The following CCDC85C variants were observed in gnomAD, a reference collection of about 807,000 sequenced individuals.
CCDC85C encodes the protein coiled-coil domain containing 85C, also known as coiled-coil domain-containing protein 85C.
A neutral mutation model predicts 38.3 loss-of-function variants in CCDC85C; 18 were observed. That is an observed-to-expected ratio of 0.47 (90% CI 0.33 to 0.70). The LOEUF (loss-of-function observed/expected upper bound fraction) is 0.70, where lower values mean the gene tolerates loss of function less well. CCDC85C is among the 30% of genes least tolerant of loss of function. The pLI is 0.03. For synonymous variants in CCDC85C, 264 were observed against 293.8 expected, an observed-to-expected ratio of 0.90 and a Z score of 1.04; for missense variants, 566 against 621.2, an observed-to-expected ratio of 0.91 and a Z score of 0.94.
chr14:99,571,955 T>G (rs1898354855), intron 1 of CCDC85C, among the ~76,000 whole-genome samples: 1 of 152,090 alleles, frequency 6.6e-6, no homozygotes, highest in Non-Finnish European at 1.5e-5. Context: ...CCCTGAAGCC[T>G]CAGGGGAAGG....
chr14:99,528,433 C>T (rs1168996091), intron 2 of CCDC85C, among the ~76,000 whole-genome samples: 3 of 152,214 alleles, frequency 2.0e-5, no homozygotes, highest in South Asian at 2.1e-4. Flanking sequence ...AGGAGCTCCA[C>T]GTCTTCAGAA....
chr14:99,535,836 G>A lies in CCDC85C; in HGVS notation c.867+179C>T, dbSNP rs1465799210. On this transcript the variant is annotated intron_variant, in intron 2 of 5. Transcript: ENST00000380243. The surrounding 1 kb of genome is among the most constrained non-coding windows in gnomAD (Gnocchi z 5.5). ...AGCATGGAAGGTTGGGCAGAGGGAA[G>A]CCCAGAGGTGTGGGAGCCAGGGTTA... Among the ~76,000 whole-genome samples, 1 of 152,204 alleles carries A rather than the reference G, an allele frequency of 6.6e-6. No individual in the cohort carries two copies. The highest frequency in any genetic ancestry group is 2.4e-5 in the African/African-American group (1 of 41,452).
chr14:99,603,614 C>G lies in CCDC85C; in HGVS notation c.346G>C (p.Val116Leu), dbSNP rs1388386103. 2.7e-6 allele frequency: 4 copies of G among 1,456,498 alleles called. No individual in the cohort carries two copies. The highest frequency in any genetic ancestry group is 1.8e-6 in the Non-Finnish European group (2 of 1,107,046). 90.2% of individuals were successfully genotyped at this position (1,456,498 alleles called of 1,614,324 possible). A position where few individuals can be genotyped will look rare whatever the true frequency, so the allele number is the denominator to read the frequency against. ...TGCGAGCGGGCCACCTCGTGCCACA[C>G]GGCGCCGGCCGCGTGGCGCCCGAAG... ...QRFGRHAAGA[V>L]WHEVARSQQK... Residue 116 changes from valine to leucine, a missense_variant, in exon 1 of 6, where the codon GTG becomes CTG. This residue lies in a region of CCDC85C where 269 missense variants were observed against 308.2 expected (regional missense o/e 0.87). Transcript: ENST00000380243. This position sits in a 1 kb window ranked among gnomAD's most constrained non-coding sequence, Gnocchi z 7.5.
rs556098004 is a variant in CCDC85C, at chr14:99,572,299, C to A, written c.793+30868G>T. On this transcript the variant is annotated intron_variant, in intron 1 of 5. Coordinates refer to ENST00000380243, the MANE Select transcript of CCDC85C (RefSeq NM_001144995.2). This position sits in a 1 kb window ranked among gnomAD's most constrained non-coding sequence, Gnocchi z 4.4. ...GATGGGTCTTTTCATGCCATCACTGCCGTCTCCTCCCCGCTACTTTCCCCA... is the reference window on the plus strand; with the variant it reads ...GATGGGTCTTTTCATGCCATCACTGACGTCTCCTCCCCGCTACTTTCCCCA... 2.0e-5 allele frequency among the ~76,000 whole-genome samples: 3 copies of A among 152,302 alleles called. No individual in the cohort carries two copies. The East Asian group carries it at 5.8e-4, about 29-fold the overall frequency.
rs1356276270 is a variant in CCDC85C at position 99,509,808 on chromosome 14, G to A, written c.*5438C>T. 5 of 343,376 alleles carry A rather than the reference G, an allele frequency of 1.5e-5. No homozygotes were observed. The highest frequency in any genetic ancestry group is 2.7e-5 in the Non-Finnish European group (5 of 187,740). 21.3% of individuals were successfully genotyped at this position (343,376 alleles called of 1,614,324 possible). Reference sequence around the variant, plus strand: ...CTGACCCCTGGGGTCAGTTTCTGAAGGCAGAAAAACAGAGGAGCCCCCACA... The same window carrying A: ...CTGACCCCTGGGGTCAGTTTCTGAAAGCAGAAAAACAGAGGAGCCCCCACA... On this transcript the variant is annotated 3_prime_UTR_variant, in exon 6 of 6. Transcript: ENST00000380243.
chr14:99,599,746 TG>T (rs972054783), intron 1 of CCDC85C, among the ~76,000 whole-genome samples: 43 of 152,148 alleles, frequency 2.8e-4, no homozygotes, highest in South Asian at 1.5e-3. Flanking sequence ...AAAAATTATC[TG>T]GGCATGGTAG....
chr14:99,518,104 C>T (rs1020739059), intron 3 of CCDC85C, among the ~76,000 whole-genome samples: 50 of 152,282 alleles, frequency 3.3e-4, no homozygotes, highest in African/African-American at 1.2e-3. Flanking sequence ...CGCCTCCCAA[C>T]GGCCTGGCAA....
chr14:99,506,966 T>C lies in CCDC85C; in HGVS notation c.*8280A>G. The C allele has an allele frequency of 2.6e-6, 2 of 780,696 alleles. No homozygotes were observed. The highest frequency in any genetic ancestry group is 4.7e-6 in the Non-Finnish European group (2 of 425,934). The allele number at this position is 780,696 out of a possible 1,614,324, so 48.4% of individuals were successfully genotyped here. ...TCAAGTTCCCTTAAAGCCTTGGTCA[T>C]CTCTGTTGTTTTTCTCCCAAAGAAA... On this transcript the variant is annotated 3_prime_UTR_variant, in exon 6 of 6. Transcript: ENST00000380243.
In CCDC85C at chr14:99,534,723, G is replaced by A. The variant is rs749569782; in HGVS notation, c.867+1292C>T. The A allele has an allele frequency of 1.9e-4, 135 of 702,376 alleles. 4 individuals carry two copies. Among genetic ancestry groups the A allele is most frequent in the South Asian group, 1.9e-3 (129 of 67,600 alleles). 43.5% of individuals were successfully genotyped at this position (702,376 alleles called of 1,614,324 possible). A position where few individuals can be genotyped will look rare whatever the true frequency, so the allele number is the denominator to read the frequency against. ...CCGCCAGGTCTGCAATGGAAGGCTGGCGTCTAGGGAGCCCCACTCCACAGA... is the reference window on the plus strand; with the variant it reads ...CCGCCAGGTCTGCAATGGAAGGCTGACGTCTAGGGAGCCCCACTCCACAGA... On this transcript the variant is annotated intron_variant, in intron 2 of 5. Coordinates refer to ENST00000380243, the MANE Select transcript of CCDC85C (RefSeq NM_001144995.2).
intron 1 of CCDC85C, among the ~76,000 whole-genome samples, chr14:99,549,910 AAAC>A (rs1207572152): frequency 6.6e-6 from 1 of 152,228 alleles, no homozygotes; most frequent in East Asian, 1.9e-4. Context: ...TGAGCAATGC[AAAC>A]AACACAAGCT....
Position 99,572,894 on chromosome 14 carries a change from A to C in CCDC85C, c.793+30273T>G. 2.2e-6 allele frequency: 1 copy of C among 449,966 alleles called. No individual in the cohort carries two copies. The highest frequency in any genetic ancestry group is 4.5e-6 in the Non-Finnish European group (1 of 222,998). 27.9% of individuals were successfully genotyped at this position (449,966 alleles called of 1,614,324 possible). A position where few individuals can be genotyped will look rare whatever the true frequency, so the allele number is the denominator to read the frequency against. ...AGGAATGTCTGCCCAAGTCCCAGGC[A>C]GGGTGGGAGGCACGGACCTGAGGCA... On this transcript the variant is annotated intron_variant, in intron 1 of 5. Coordinates refer to ENST00000380243, the MANE Select transcript of CCDC85C (RefSeq NM_001144995.2). The surrounding 1 kb of genome is among the most constrained non-coding windows in gnomAD (Gnocchi z 4.4).
chr14:99,535,211 G>C lies in CCDC85C; in HGVS notation c.867+804C>G, dbSNP rs1032379826. Among the ~76,000 whole-genome samples the C allele has an allele frequency of 2.0e-5, 3 of 152,204 alleles. No homozygotes were observed. The highest frequency in any genetic ancestry group is 4.4e-5 in the Non-Finnish European group (3 of 68,028). On this transcript the variant is annotated intron_variant, in intron 2 of 5. Transcript: ENST00000380243. The surrounding 1 kb of genome is among the most constrained non-coding windows in gnomAD (Gnocchi z 5.5). ...CCCTGCGGTTGGTTCCCAGAGAGAC[G>C]CCTTGGGTATCCCAGGCTGACCGCT...
chr14:99,603,576 G>T lies in CCDC85C; in HGVS notation c.384C>A (p.Arg128=). Residue 128 remains arginine, a synonymous_variant, in exon 1 of 6, where the codon CGC becomes CGA. Transcript: ENST00000380243. This position sits in a 1 kb window ranked among gnomAD's most constrained non-coding sequence, Gnocchi z 7.5. ...HEVARSQQKL[R]ELEARQEALL... ...GGGCCTCCTGGCGCGCCTCGAGCTCGCGCAGCTTCTGCTGCGAGCGGGCCA... is the reference window on the plus strand; with the variant it reads ...GGGCCTCCTGGCGCGCCTCGAGCTCTCGCAGCTTCTGCTGCGAGCGGGCCA... 7.1e-7 allele frequency: 1 copy of T among 1,405,346 alleles called. No homozygotes were observed. The highest frequency in any genetic ancestry group is 2.3e-4 in the Middle Eastern group (1 of 4,362). The allele number at this position is 1,405,346 out of a possible 1,614,324, so 87.1% of individuals were successfully genotyped here.
intron 1 of CCDC85C, among the ~76,000 whole-genome samples, chr14:99,580,808 T>C (rs1595099652): frequency 6.6e-6 from 1 of 152,072 alleles, no homozygotes; most frequent in African/African-American, 2.4e-5. Flanking sequence ...GAGGTTGCAG[T>C]GAGCCAAGAT....
In CCDC85C at chr14:99,569,878, C is replaced by A. The variant is rs1440032398; in HGVS notation, c.793+33289G>T. Among the ~76,000 whole-genome samples the A allele has an allele frequency of 6.6e-6, 1 of 152,036 alleles. No individual in the cohort carries two copies. The highest frequency in any genetic ancestry group is 2.4e-5 in the African/African-American group (1 of 41,388). On this transcript the variant is annotated intron_variant, in intron 1 of 5. Transcript: ENST00000380243. This position sits in a 1 kb window ranked among gnomAD's most constrained non-coding sequence, Gnocchi z 4.3. ...TTGGGAAGCTGAGGCGGGAGGATAGCATGAGCCCAGGAGGTCAAGGCTGCA... is the reference window on the plus strand; with the variant it reads ...TTGGGAAGCTGAGGCGGGAGGATAGAATGAGCCCAGGAGGTCAAGGCTGCA...
Position 99,504,943 on chromosome 14 carries a change from A to G in CCDC85C, c.*10303T>C, listed in dbSNP as rs941548. 0.98 allele frequency: 150,005 copies of G among 152,446 alleles called. 73,844 individuals carry two copies. The highest frequency in any genetic ancestry group is 1 in the East Asian group (5,188 of 5,188). The allele number at this position is 152,446 out of a possible 1,614,324, so 9.4% of individuals were successfully genotyped here. The stretch of plus-strand genomic sequence containing the variant: ...GAGAGCAGAGGGGGAGGATGGAGCA[A>G]TAAGTTGGAAGTACGCAAGTGAGCA... On this transcript the variant is annotated 3_prime_UTR_variant, in exon 6 of 6. Coordinates refer to ENST00000380243, the MANE Select transcript of CCDC85C (RefSeq NM_001144995.2).
intron 1 of CCDC85C, among the ~76,000 whole-genome samples, chr14:99,567,859 C>T (rs1395320949): frequency 6.6e-6 from 1 of 152,216 alleles, no homozygotes; most frequent in African/African-American, 2.4e-5. Context: ...AATGCACATG[C>T]CTGTCTCCAG....
chr14:99,522,154 G>C lies in CCDC85C; in HGVS notation c.954C>G (p.Ser318=). 1 of 1,551,038 alleles carries C rather than the reference G, an allele frequency of 6.4e-7. No homozygotes were observed. The highest frequency in any genetic ancestry group is 8.7e-7 in the Non-Finnish European group (1 of 1,146,776). The change falls in exon 3 of 6, where the codon TCC becomes TCG. Residue 318 remains serine, a synonymous_variant. Coordinates refer to ENST00000380243, the MANE Select transcript of CCDC85C (RefSeq NM_001144995.2). ...SESQLASLPP[S]YQDSLQNGPA... ...TCACGTTCTGCAGGGAGTCCTGGTA[G>C]GAGGGCGGCAGGGACGCAAGCTGGG...
At chr14:99,567,237 G>T (rs1898233322) in intron 1 of CCDC85C, among the ~76,000 whole-genome samples, 1 of 152,088 alleles carries the variant, frequency 6.6e-6, no homozygotes, top group African/African-American at 2.4e-5. Flanking sequence ...TCACCCTAAA[G>T]CTCGCTCCAG....
Sources: gnomAD v4.1 joint callset for allele counts (sites outside exome capture counted in the v4.1 genomes callset) on GRCh38, gnomAD v4.1.1 for gene constraint, gnomAD v4.1.1 regional missense constraint, Gnocchi (gnomAD v3.1) non-coding constraint, MANE v1.5 for transcripts, NCBI Gene and HGNC (gene_info 2026-07-23, HGNC 2026-07-21) for gene names.